DOT1L: variants seen among roughly 807,000 people sequenced by gnomAD.
DOT1L encodes histone-lysine N-methyltransferase, H3 lysine-79 specific.
DOT1L carries 33 observed loss-of-function variants against 153.3 expected under a neutral mutation model. That is an observed-to-expected ratio of 0.22 (90% CI 0.16 to 0.29). The LOEUF is 0.29. Among genes scored for constraint, DOT1L ranks in the 10% least tolerant of loss-of-function variants. The probability of loss-of-function intolerance (pLI) is 1.00; values close to 1 mark genes in which losing one functional copy is unlikely to be tolerated. For synonymous variants in DOT1L, 1,135 were observed against 965.1 expected (o/e 1.18, Z -3.26); for missense variants, 1,847 against 2,119.9 (o/e 0.87, Z 2.53).
At chr19:2,194,770 A>G (rs4807213) in intron 7 of DOT1L, among the ~76,000 whole-genome samples, 193 bp downstream of exon 7, 73,078 of 152,026 alleles carry the variant, frequency 0.48, 17,785 homozygotes, top group Middle Eastern at 0.54. Context: ...CTCTGTTGGT[A>G]CCGTCCCTCT....
chr19:2,220,251 G>C lies in DOT1L; in HGVS notation c.2806+29G>C. 1 of 1,592,790 alleles carries C rather than the reference G, an allele frequency of 6.3e-7. No individual in the cohort carries two copies. Among genetic ancestry groups the C allele is most frequent in the Non-Finnish European group, 8.6e-7 (1 of 1,167,434 alleles). On this transcript the variant is annotated intron_variant, in intron 23 of 27. Coordinates refer to ENST00000398665, the MANE Select transcript of DOT1L (RefSeq NM_032482.3). This position sits in a 1 kb window ranked among gnomAD's most constrained non-coding sequence, Gnocchi z 4.5. ...ACGCCCCTCCTGTGCCCTACCCTCA[G>C]GACTCTGCTGCTGCTGCTGCTCTTC...
chr19:2,217,056 C>T lies in DOT1L; in HGVS notation c.2510C>T (p.Ala837Val). 6.2e-7 allele frequency: 1 copy of T among 1,610,500 alleles called. No homozygotes were observed. Among genetic ancestry groups the T allele is most frequent in the East Asian group, 2.2e-5 (1 of 44,808 alleles). ...PQDPRPLSPG[A>V]LQLAGEKSSE... ...GACCCGCGGCCCCTGTCCCCTGGGG[C>T]CTTGCAGCTTGCTGGAGAGAAGAGC... The change falls in exon 21 of 28, where the codon GCC becomes GTC. Residue 837 changes from alanine to valine, a missense_variant. Coordinates refer to ENST00000398665, the MANE Select transcript of DOT1L (RefSeq NM_032482.3). The surrounding 1 kb of genome is among the most constrained non-coding windows in gnomAD (Gnocchi z 7.3).
intron 16 of DOT1L, 58 bp downstream of exon 16, chr19:2,211,900 TC>T: frequency 6.8e-7 from 1 of 1,478,176 alleles, no homozygotes; most frequent in Admixed American, 2.0e-5. Flanking sequence ...TCGTTCCTGT[TC>T]CTGGGCATCT....
chr19:2,221,596 A>C, intron 23 of DOT1L: 1 of 244,696 alleles, frequency 4.1e-6, no homozygotes, highest in Non-Finnish European at 7.9e-6. Context: ...AACAGGAGGG[A>C]GGGAGGCCAC....
chr19:2,172,738 C>T (rs895434022), intron 1 of DOT1L, among the ~76,000 whole-genome samples: 2 of 151,870 alleles, frequency 1.3e-5, no homozygotes, highest in African/African-American at 2.4e-5. Flanking sequence ...CTCCTGACCT[C>T]GTGGTCTGCC....
At chr19:2,185,962 G>A (rs983030333) in intron 3 of DOT1L, 33 bp downstream of exon 3, 47 of 1,603,440 alleles carry the variant, frequency 2.9e-5, no homozygotes, top group African/African-American at 4.0e-5. Flanking sequence ...GCTCCGCTCC[G>A]AGGACAGACT....
intron 1 of DOT1L, among the ~76,000 whole-genome samples, chr19:2,171,477 C>T (rs978450654): frequency 2.0e-5 from 3 of 152,154 alleles, no homozygotes; most frequent in East Asian, 1.9e-4. Context: ...GAGACCTTTG[C>T]GGTTGTCACC....
chr19:2,218,126 C>T (rs879343458), intron 22 of DOT1L, among the ~76,000 whole-genome samples: 7 of 152,142 alleles, frequency 4.6e-5, no homozygotes, highest in Admixed American at 1.3e-4. Context: ...GTGAAAGGTA[C>T]GTGTGCAAGT....
At chr19:2,184,338 G>A (rs1007073362) in intron 2 of DOT1L, among the ~76,000 whole-genome samples, 1 of 152,150 alleles carries the variant, frequency 6.6e-6, no homozygotes, top group Non-Finnish European at 1.5e-5. Context: ...AATCACAGAG[G>A]GCGGATGCCA....
rs1568371675 is a variant in DOT1L, at chr19:2,226,397, C to T, written c.3876C>T (p.Pro1292=). The T allele has an allele frequency of 6.3e-7, 1 of 1,598,228 alleles. No individual in the cohort carries two copies. ...PSADAKLAAH[P]RKGFPGSLSG... Reference sequence around the variant, plus strand: ...CCGATGCCAAGCTGGCCGCTCACCCCAGGAAAGGCTTTCCCGGCTCCCTGT... The same window carrying T: ...CCGATGCCAAGCTGGCCGCTCACCCTAGGAAAGGCTTTCCCGGCTCCCTGT... Residue 1292 remains proline (P), a synonymous_variant, in exon 27 of 28, where the codon CCC becomes CCT. Coordinates refer to ENST00000398665, the MANE Select transcript of DOT1L (RefSeq NM_032482.3).
chr19:2,167,508 C>T (rs1008873601), intron 1 of DOT1L, among the ~76,000 whole-genome samples: 1 of 152,232 alleles, frequency 6.6e-6, no homozygotes, highest in African/African-American at 2.4e-5. Flanking sequence ...GTGTCTTTCC[C>T]TCCCTGGCCA....
intron 7 of DOT1L, among the ~76,000 whole-genome samples, chr19:2,195,529 G>C (rs2022979138): frequency 6.6e-6 from 1 of 152,152 alleles, no homozygotes; most frequent in East Asian, 1.9e-4. Context: ...GGGTGGCTTG[G>C]GGTCTGGGGA....
At chr19:2,186,103 A>G (rs1409476982) in intron 3 of DOT1L, among the ~76,000 whole-genome samples, 174 bp downstream of exon 3, 2 of 152,154 alleles carry the variant, frequency 1.3e-5, no homozygotes, top group South Asian at 2.1e-4. Context: ...ATGTTTATCA[A>G]CTCTTGGCAA....
rs1435101052 is a variant in DOT1L, at chr19:2,185,786, A to AAAAACAAAACAC, written c.126-57_126-46dup. ...TCCGTCTCAAAACAAAAACAAAAAC[A>AAAAACAAAACAC]AAAACAAAACACAAAACAAAACAAA... is the stretch of plus-strand genomic sequence containing the variant. On this transcript the variant is annotated intron_variant, in intron 2 of 27. Coordinates refer to ENST00000398665, the MANE Select transcript of DOT1L (RefSeq NM_032482.3). 4 of 1,565,440 alleles carry AAAAACAAAACAC rather than the reference A, an allele frequency of 2.6e-6. No individual in the cohort carries two copies. The South Asian group carries it at 4.4e-5, about 17-fold the overall frequency.
At chr19:2,189,453 C>G (rs75642860) in intron 3 of DOT1L, among the ~76,000 whole-genome samples, 16 of 152,342 alleles carry the variant, frequency 1.1e-4, no homozygotes, top group African/African-American at 3.4e-4. Context: ...ACGTGGACCT[C>G]GGCTTTGCGC....
rs778747333 is a variant in DOT1L at position 2,222,192 on chromosome 19, C to G, written c.3023C>G (p.Ser1008Cys). 4 of 1,612,986 alleles carry G rather than the reference C, an allele frequency of 2.5e-6. No individual in the cohort carries two copies. Among genetic ancestry groups the G allele is most frequent in the South Asian group, 1.1e-5 (1 of 91,072 alleles). Residue 1008 changes from serine (S) to cysteine (C), a missense_variant, in exon 24 of 28, where the codon TCC (serine) becomes TGC (cysteine). Ser to Cys is a moderately radical substitution (Grantham distance 112). Coordinates refer to ENST00000398665, the MANE Select transcript of DOT1L (RefSeq NM_032482.3). The surrounding 1 kb of genome is among the most constrained non-coding windows in gnomAD (Gnocchi z 6.5). Reference sequence around the variant, plus strand: ...GCCTCTCCCGCCCACCAGCTCTCCTCCAGTCCCCGGCTTGGTGGGGCCGCC... The same window carrying G: ...GCCTCTCCCGCCCACCAGCTCTCCTGCAGTCCCCGGCTTGGTGGGGCCGCC... ...LPASPAHQLSSSPRLGGAAQG... is the reference protein window; with the variant it reads ...LPASPAHQLSCSPRLGGAAQG...
intron 1 of DOT1L, among the ~76,000 whole-genome samples, chr19:2,174,291 G>A (rs970306120): frequency 2.6e-5 from 4 of 152,234 alleles, no homozygotes; most frequent in Non-Finnish European, 5.9e-5. Flanking sequence ...GCTCAGCCAG[G>A]AAGCAACATG....
intron 1 of DOT1L, among the ~76,000 whole-genome samples, chr19:2,174,743 C>G (rs1378689749): frequency 1.3e-5 from 2 of 151,104 alleles, no homozygotes; most frequent in Admixed American, 6.6e-5. Flanking sequence ...CTTCAGTCTC[C>G]CAAACAGCTG....
At chr19:2,201,977 G>T (rs538012860) in intron 8 of DOT1L, among the ~76,000 whole-genome samples, 1 of 152,356 alleles carries the variant, frequency 6.6e-6, no homozygotes, top group Non-Finnish European at 1.5e-5. Context: ...ACTCACGATG[G>T]TGGTGGCTTT....
Sources: allele counts gnomAD v4.1 joint callset (sites outside exome capture counted in the v4.1 genomes callset), GRCh38; gene constraint gnomAD v4.1.1; non-coding constraint Gnocchi (gnomAD v3.1); transcripts MANE v1.5; gene names NCBI Gene and HGNC (gene_info 2026-07-23, HGNC 2026-07-21).